SMAP2: variants seen among roughly 807,000 people sequenced by gnomAD.
SMAP2 encodes small ArfGAP2.
Under a neutral mutation model 56.4 loss-of-function variants are expected in SMAP2, and 25 were observed. The observed-to-expected ratio is 0.44, with a 90% CI of 0.32 to 0.62. SMAP2 has a LOEUF of 0.62. Among genes scored for constraint, SMAP2 ranks in the 20% least tolerant of loss-of-function variants. SMAP2 has a pLI of 0.04. For missense variants in SMAP2, 388 were observed against 545.6 expected (o/e 0.71, Z 2.88); for synonymous variants, 157 against 181.7 (o/e 0.86, Z 1.09).
intron 1 of SMAP2, among the ~76,000 whole-genome samples, chr1:40,348,679 C>G (rs956327858): frequency 1.4e-5 from 2 of 147,774 alleles, no homozygotes; most frequent in East Asian, 3.9e-4. Context: ...TCTGTCCCCC[C>G]TCAAAAAAAA....
intron 1 of SMAP2, among the ~76,000 whole-genome samples, chr1:40,356,449 C>G (rs1274479325): frequency 7.1e-6 from 1 of 141,404 alleles, no homozygotes; most frequent in African/African-American, 2.6e-5. Flanking sequence ...CTCGCTCTGT[C>G]GCCTAGGCTG....
chr1:40,385,362 T>C lies in SMAP2; in HGVS notation c.103+11139T>C, dbSNP rs1268506517. Among the ~76,000 whole-genome samples the C allele has an allele frequency of 6.6e-6, 1 of 152,200 alleles. No homozygotes were observed. Among genetic ancestry groups the C allele is most frequent in the African/African-American group, 2.4e-5 (1 of 41,444 alleles). On this transcript the variant is annotated intron_variant, in intron 1 of 9. Transcript: ENST00000372718. The surrounding 1 kb of genome is among the most constrained non-coding windows in gnomAD (Gnocchi z 4.5). Reference sequence around the variant, plus strand: ...GAATTCTGGTTTGCTTTTAAATACATATAGAATACAGTTTATTTAAGTTCT... The same window carrying C: ...GAATTCTGGTTTGCTTTTAAATACACATAGAATACAGTTTATTTAAGTTCT...
At chr1:40,380,374 T>G (rs902607801) in intron 1 of SMAP2, among the ~76,000 whole-genome samples, 4 of 152,206 alleles carry the variant, frequency 2.6e-5, no homozygotes, top group Admixed American at 2.0e-4. Context: ...TGTAGAAATT[T>G]TCTCATAGTT....
intron 1 of SMAP2, among the ~76,000 whole-genome samples, chr1:40,383,365 T>C (rs553847527): frequency 2.6e-4 from 39 of 152,166 alleles, no homozygotes; most frequent in Non-Finnish European, 5.1e-4. Flanking sequence ...ATGGAACTTA[T>C]CCTGAAATCA....
chr1:40,347,188 T>TG (rs1344063395), intron 1 of SMAP2, among the ~76,000 whole-genome samples: 1 of 148,184 alleles, frequency 6.7e-6, no homozygotes, highest in Non-Finnish European at 1.5e-5. Context: ...GGACCACAGG[T>TG]GCACCACCAC....
At chr1:40,375,375 C>T (rs532635609) in intron 1 of SMAP2, among the ~76,000 whole-genome samples, 49 of 152,212 alleles carry the variant, frequency 3.2e-4, no homozygotes, top group Non-Finnish European at 6.8e-4. Flanking sequence ...CAGTTATATT[C>T]GTATTTATCT....
At chr1:40,347,766 A>T (rs1321177294) in intron 1 of SMAP2, among the ~76,000 whole-genome samples, 2 of 152,194 alleles carry the variant, frequency 1.3e-5, no homozygotes, top group African/African-American at 4.8e-5. Context: ...TTAGGATATT[A>T]ACAATTCGGC....
chr1:40,410,910 G>A lies in SMAP2; in HGVS notation c.402+1075G>A, dbSNP rs935080069. Among the ~76,000 whole-genome samples, 14 of 152,292 alleles carry A rather than the reference G, an allele frequency of 9.2e-5. 1 individual carries two copies. The highest frequency in any genetic ancestry group is 5.8e-4 in the East Asian group (3 of 5,194). ...CTATTTATCTAGTCACAGAAGTATT[G>A]AGAGTAAGGGATTCTCCACTTCCAG... is the stretch of plus-strand genomic sequence containing the variant. On this transcript the variant is annotated intron_variant, in intron 4 of 9. Coordinates refer to ENST00000372718, the MANE Select transcript of SMAP2 (RefSeq NM_022733.3).
chr1:40,364,842 C>T (rs1644475116), intron 2 of SMAP2: 1 of 174,440 alleles, frequency 5.7e-6, no homozygotes, highest in Non-Finnish European at 1.3e-5. Flanking sequence ...AAACAGCTGT[C>T]AAAAAGTATA....
Position 40,374,270 on chromosome 1 carries a change from G to A in SMAP2, c.103+47G>A. 1.3e-6 allele frequency: 2 copies of A among 1,507,696 alleles called. No individual in the cohort carries two copies. Among genetic ancestry groups the A allele is most frequent in the Admixed American group, 1.9e-5 (1 of 53,100 alleles). The allele number at this position is 1,507,696 out of a possible 1,614,324, so 93.4% of individuals were successfully genotyped here. A position where few individuals can be genotyped will look rare whatever the true frequency, so the allele number is the denominator to read the frequency against. On this transcript the variant is annotated intron_variant, in intron 1 of 9. Coordinates refer to ENST00000372718, the MANE Select transcript of SMAP2 (RefSeq NM_022733.3). The surrounding 1 kb of genome is among the most constrained non-coding windows in gnomAD (Gnocchi z 5.9). ...GCCAGGGGTCCAGCCGCGCCGGGGT[G>A]GTGGGGGTGGGCTGCGTGAAGAGGC...
intron 1 of SMAP2, among the ~76,000 whole-genome samples, chr1:40,400,786 T>C (rs1644825379): frequency 6.8e-6 from 1 of 146,914 alleles, no homozygotes; most frequent in Admixed American, 6.9e-5. Flanking sequence ...AGAGGTGTGA[T>C]CTGTACAGAT....
At chr1:40,350,584 G>A (rs1195830645) in intron 1 of SMAP2, among the ~76,000 whole-genome samples, 1 of 152,162 alleles carries the variant, frequency 6.6e-6, no homozygotes, top group African/African-American at 2.4e-5. Flanking sequence ...GCAAATCTGG[G>A]CTGCTTCCTG....
chr1:40,403,780 A>G, intron 1 of SMAP2: 1 of 440,758 alleles, frequency 2.3e-6, no homozygotes, highest in Non-Finnish European at 3.0e-6. Flanking sequence ...ACAGGTAATC[A>G]CTGAAGGAGC....
intron 1 of SMAP2, among the ~76,000 whole-genome samples, chr1:40,390,974 G>A (rs1644710111): frequency 6.6e-6 from 1 of 152,216 alleles, no homozygotes; most frequent in Non-Finnish European, 1.5e-5. Context: ...TCTAGAGCAG[G>A]ATTTCTCAAC....
At chr1:40,348,637 G>A (rs534444899) in intron 1 of SMAP2, among the ~76,000 whole-genome samples, 1 of 151,714 alleles carries the variant, frequency 6.6e-6, no homozygotes, top group Non-Finnish European at 1.5e-5. Context: ...AGATGGCGCC[G>A]CTTCACTCAA....
At chr1:40,407,926 T>C (rs2124343593) in intron 2 of SMAP2, among the ~76,000 whole-genome samples, 1 of 152,318 alleles carries the variant, frequency 6.6e-6, no homozygotes, top group Non-Finnish European at 1.5e-5. Context: ...GCTTCATTAT[T>C]TTTTATTCTC....
intron 1 of SMAP2, among the ~76,000 whole-genome samples, chr1:40,388,284 G>A (rs538520212): frequency 6.6e-6 from 1 of 152,372 alleles, no homozygotes; most frequent in African/African-American, 2.4e-5. Context: ...GCCCCAGTGC[G>A]AGATCCACTG....
At chr1:40,357,475 A>C (rs559280293) in intron 1 of SMAP2, among the ~76,000 whole-genome samples, 9 of 147,616 alleles carry the variant, frequency 6.1e-5, no homozygotes, top group African/African-American at 1.7e-4. Flanking sequence ...AACAACCACA[A>C]AAAAAAAAAA....
rs1644735463 is a variant in SMAP2, at chr1:40,393,354, TGAGTGCAGCAGGA to T, written c.104-13378_104-13366del. On this transcript the variant is annotated intron_variant, in intron 1 of 9. Transcript: ENST00000372718. ...CAACAACAGAACAACCACAAATGAGTGAGTGCAGCAGGAGAGGCAGCAGAGCGCCGTGGGAGTT... is the reference window on the plus strand; with the variant it reads ...CAACAACAGAACAACCACAAATGAGTGAGGCAGCAGAGCGCCGTGGGAGTT... The T allele has an allele frequency of 2.0e-6, 3 of 1,530,920 alleles. No homozygotes were observed. In the East Asian group the frequency reaches 7.4e-5, roughly 38 times the overall value. The allele number at this position is 1,530,920 out of a possible 1,614,324, so 94.8% of individuals were successfully genotyped here.
Sources: allele counts gnomAD v4.1 joint callset (sites outside exome capture counted in the v4.1 genomes callset), GRCh38; gene constraint gnomAD v4.1.1; non-coding constraint Gnocchi (gnomAD v3.1); transcripts MANE v1.5; gene names NCBI Gene and HGNC (gene_info 2026-07-23, HGNC 2026-07-21).